ST18: variants seen among roughly 807,000 people sequenced by gnomAD.
ST18 encodes ST18 C2H2C-type zinc finger transcription factor, also known as suppression of tumorigenicity 18 protein.
A neutral mutation model predicts 110.0 loss-of-function variants in ST18; 50 were observed. The ratio of observed to expected loss-of-function variants is 0.45; its 90% CI spans 0.36 to 0.58. ST18 has a LOEUF of 0.58. Among genes scored for constraint, ST18 ranks in the 20% least tolerant of loss-of-function variants. ST18 has a pLI of 0.00. For synonymous variants in ST18, 461 were observed against 452.4 expected (o/e 1.02, Z -0.24); for missense variants, 1,306 against 1,280.1 (o/e 1.02, Z -0.31).
At chr8:52,293,224 C>T (rs2095582542) in intron 2 of ST18, among the ~76,000 whole-genome samples, 1 of 152,208 alleles carries the variant, frequency 6.6e-6, no homozygotes, top group Admixed American at 6.5e-5. Context: ...AGAGCAGAAA[C>T]GATGCAGTGG....
intron 15 of ST18, among the ~76,000 whole-genome samples, 156 bp downstream of exon 15, chr8:52,158,742 T>G (rs1318857647): frequency 6.6e-6 from 1 of 152,246 alleles, no homozygotes; most frequent in Admixed American, 6.5e-5. Context: ...AGCTCATCCC[T>G]GCCTGCGTTC....
chr8:52,396,474 G>A (rs928975537), intron 2 of ST18, among the ~76,000 whole-genome samples: 4 of 152,034 alleles, frequency 2.6e-5, no homozygotes, highest in African/African-American at 9.7e-5. Flanking sequence ...ATATTCCATT[G>A]GTGTATTAGT....
chr8:52,288,451 G>A (rs1247119599), intron 2 of ST18, among the ~76,000 whole-genome samples: 1 of 152,122 alleles, frequency 6.6e-6, no homozygotes, highest in Non-Finnish European at 1.5e-5. Flanking sequence ...TATAATCCCA[G>A]CACTTTGAGA....
chr8:52,115,829 C>A (rs1009036785), intron 25 of ST18, among the ~76,000 whole-genome samples: 1 of 151,948 alleles, frequency 6.6e-6, no homozygotes, highest in Non-Finnish European at 1.5e-5. Flanking sequence ...AACTGAAGTA[C>A]GTTCTTCATA....
intron 2 of ST18, chr8:52,403,304 T>C (rs1843378024): frequency 6.6e-6 from 1 of 152,266 alleles, no homozygotes; most frequent in South Asian, 2.1e-4. Context: ...GGCTCTGGTT[T>C]CCAGATGGCA....
chr8:52,153,621 T>C (rs2059331224), intron 15 of ST18, among the ~76,000 whole-genome samples: 1 of 152,202 alleles, frequency 6.6e-6, no homozygotes, highest in African/African-American at 2.4e-5. Flanking sequence ...AAATAACTAA[T>C]GTAAGGTATA....
chr8:52,388,950 A>G (rs1462713846), intron 2 of ST18, among the ~76,000 whole-genome samples: 4 of 147,608 alleles, frequency 2.7e-5, no homozygotes, highest in East Asian at 4.0e-4. Context: ...ATGTACCCTA[A>G]AACTTAAAGT....
chr8:52,359,548 A>G (rs1335191995), intron 2 of ST18, among the ~76,000 whole-genome samples: 3 of 152,134 alleles, frequency 2.0e-5, no homozygotes, highest in Non-Finnish European at 4.4e-5. Context: ...CTTTGAGTAC[A>G]AAATCACGAA....
intron 2 of ST18, among the ~76,000 whole-genome samples, chr8:52,336,514 T>C (rs1488863687): frequency 6.6e-6 from 1 of 152,206 alleles, no homozygotes; most frequent in Non-Finnish European, 1.5e-5. Context: ...GAGCCAGGTC[T>C]ACATTTTCTG....
chr8:52,198,842 T>C (rs1399009141), intron 8 of ST18, among the ~76,000 whole-genome samples: 1 of 152,204 alleles, frequency 6.6e-6, no homozygotes, highest in Non-Finnish European at 1.5e-5. Flanking sequence ...TCACTTTCTG[T>C]AGCCCTAACC....
At chr8:52,134,136 T>G (rs1001207894) in intron 19 of ST18, among the ~76,000 whole-genome samples, 2 of 152,238 alleles carry the variant, frequency 1.3e-5, no homozygotes, top group Non-Finnish European at 2.9e-5. Context: ...CTGCAGAGAC[T>G]TGGAACATTT....
chr8:52,262,780 T>C lies in ST18; in HGVS notation c.-464-32703A>G, dbSNP rs2094735400. On this transcript the variant is annotated intron_variant, in intron 2 of 25. Coordinates refer to ENST00000689386, the MANE Select transcript of ST18 (RefSeq NM_001352837.2). ...CCCAAGGCTGCCTTTGCAGCTGCCTTACCTCCTACTCGCTGCACACAGACT... is the reference window on the plus strand; with the variant it reads ...CCCAAGGCTGCCTTTGCAGCTGCCTCACCTCCTACTCGCTGCACACAGACT... Among the ~76,000 whole-genome samples, 3 of 152,240 alleles carry C rather than the reference T, an allele frequency of 2.0e-5. No individual in the cohort carries two copies. The South Asian group carries it at 6.2e-4, about 32-fold the overall frequency.
intron 10 of ST18, among the ~76,000 whole-genome samples, chr8:52,170,209 TGTAATCCC>T: frequency 6.6e-6 from 1 of 152,344 alleles, no homozygotes; most frequent in Non-Finnish European, 1.5e-5. Flanking sequence ...TGATCACACC[TGTAATCCC>T]AGCACTTTGG....
intron 2 of ST18, among the ~76,000 whole-genome samples, chr8:52,243,945 T>C (rs2093646422): frequency 6.6e-6 from 1 of 152,104 alleles, no homozygotes; most frequent in East Asian, 1.9e-4. Flanking sequence ...CAAAGTCAGG[T>C]AGCCCTGGAT....
intron 2 of ST18, among the ~76,000 whole-genome samples, chr8:52,386,471 T>C (rs1291412759): frequency 7.0e-6 from 1 of 143,500 alleles, no homozygotes; most frequent in Admixed American, 7.0e-5. Context: ...TTTTTTTTCT[T>C]AAAAAAAAAA....
intron 2 of ST18, among the ~76,000 whole-genome samples, chr8:52,338,438 T>C (rs1428000217): frequency 6.6e-6 from 1 of 152,192 alleles, no homozygotes; most frequent in African/African-American, 2.4e-5. Context: ...AAATATTTTA[T>C]GAATTATAGG....
chr8:52,175,616 C>G (rs1334776483), intron 9 of ST18, among the ~76,000 whole-genome samples: 1 of 152,132 alleles, frequency 6.6e-6, no homozygotes. Context: ...ATGGATAGTT[C>G]AAGGATCCCT....
chr8:52,227,901 T>C (rs1441339645), intron 3 of ST18, among the ~76,000 whole-genome samples: 1 of 152,222 alleles, frequency 6.6e-6, no homozygotes, highest in Non-Finnish European at 1.5e-5. Flanking sequence ...GCTATATTGT[T>C]GACCTTTTGA....
intron 2 of ST18, among the ~76,000 whole-genome samples, chr8:52,306,855 A>G (rs539457942): frequency 6.6e-6 from 1 of 152,228 alleles, no homozygotes; most frequent in South Asian, 2.1e-4. Context: ...AATGGCAAGA[A>G]CCACAGTAAC....
Sources: gnomAD v4.1 joint callset for allele counts (sites outside exome capture counted in the v4.1 genomes callset) on GRCh38, gnomAD v4.1.1 for gene constraint, MANE v1.5 for transcripts, NCBI Gene and HGNC (gene_info 2026-07-23, HGNC 2026-07-21) for gene names.